The following TSHZ3 variants were observed in gnomAD, a reference collection of about 807,000 sequenced individuals.
TSHZ3 encodes teashirt homolog 3.
TSHZ3 carries 10 observed loss-of-function variants against 64.5 expected under a neutral mutation model. That is an observed-to-expected ratio of 0.16 (90% CI 0.10 to 0.26). The LOEUF (loss-of-function observed/expected upper bound fraction) is 0.26, where lower values mean the gene tolerates loss of function less well. Among genes scored for constraint, TSHZ3 ranks in the 10% least tolerant of loss-of-function variants. TSHZ3 has a pLI of 1.00. For synonymous variants in TSHZ3, 608 were observed against 593.1 expected (o/e 1.03, Z -0.36); for missense variants, 1,242 against 1,421.7 (o/e 0.87, Z 2.03).
chr19:31,334,738 C>A (rs1917193975), intron 1 of TSHZ3, among the ~76,000 whole-genome samples: 4 of 152,270 alleles, frequency 2.6e-5, no homozygotes, highest in African/African-American at 9.6e-5. Flanking sequence ...GTTTTCTCAC[C>A]ATAACATATG....
chr19:31,266,279 A>G (rs555837089), intron 1 of TSHZ3, among the ~76,000 whole-genome samples: 6 of 152,256 alleles, frequency 3.9e-5, no homozygotes, highest in African/African-American at 1.4e-4. Flanking sequence ...CCTCATCAAC[A>G]TAACAAGACC....
rs1440049269 is a variant in TSHZ3, at chr19:31,279,973, G to A, written c.41-221C>T. ...TTGGAGCAAAAAAAAAAAAAAATCT[G>A]CTCTTCAAACATAATTTGCCACCTT... On this transcript the variant is annotated intron_variant, in intron 1 of 1. Coordinates refer to ENST00000240587, the MANE Select transcript of TSHZ3 (RefSeq NM_020856.4). This position sits in a 1 kb window ranked among gnomAD's most constrained non-coding sequence, Gnocchi z 6.4. Among the ~76,000 whole-genome samples, 1 of 149,352 alleles carries A rather than the reference G, an allele frequency of 6.7e-6. No individual in the cohort carries two copies. The highest frequency in any genetic ancestry group is 2.5e-5 in the African/African-American group (1 of 40,648).
intron 1 of TSHZ3, among the ~76,000 whole-genome samples, chr19:31,314,750 C>G (rs752916019): frequency 6.6e-6 from 1 of 152,140 alleles, no homozygotes; most frequent in Non-Finnish European, 1.5e-5. Flanking sequence ...CTGTAATCAC[C>G]GTCATTCTCA....
At chr19:31,232,932 G>C (rs982374670) in intron 3 of TSHZ3, among the ~76,000 whole-genome samples, 1 of 152,170 alleles carries the variant, frequency 6.6e-6, no homozygotes, top group Non-Finnish European at 1.5e-5. Context: ...GTATTCCGTG[G>C]TCTAAATGTA....
intron 1 of TSHZ3, among the ~76,000 whole-genome samples, chr19:31,335,827 C>T (rs906520251): frequency 1.3e-4 from 20 of 152,174 alleles, no homozygotes; most frequent in African/African-American, 3.6e-4. Context: ...GTGTCACCCC[C>T]GTGGGCTCCA....
At chr19:31,231,477 T>C (rs1479148779) in intron 3 of TSHZ3, among the ~76,000 whole-genome samples, 2 of 152,340 alleles carry the variant, frequency 1.3e-5, no homozygotes, top group East Asian at 1.9e-4. Context: ...GACTCCACTG[T>C]GAAAGATTTG....
chr19:31,157,708 T>C (rs985888753), intron 5 of TSHZ3, among the ~76,000 whole-genome samples: 5 of 152,244 alleles, frequency 3.3e-5, no homozygotes, highest in Non-Finnish European at 5.9e-5. Context: ...GTCAACCTAT[T>C]TCATGATTCT....
At chr19:31,231,367 G>A (rs1173643470) in intron 3 of TSHZ3, among the ~76,000 whole-genome samples, 2 of 152,028 alleles carry the variant, frequency 1.3e-5, no homozygotes, top group Non-Finnish European at 1.5e-5. Flanking sequence ...CATTGATTAG[G>A]TGCTTACAGG....
chr19:31,224,509 T>C (rs550373154), intron 4 of TSHZ3, among the ~76,000 whole-genome samples: 13 of 152,376 alleles, frequency 8.5e-5, no homozygotes, highest in South Asian at 6.2e-4. Context: ...ACTCCAATGA[T>C]GTCTCCATAC....
intron 1 of TSHZ3, among the ~76,000 whole-genome samples, chr19:31,311,458 G>A (rs1014913634): frequency 4.6e-5 from 7 of 152,116 alleles, no homozygotes; most frequent in Non-Finnish European, 7.3e-5. Flanking sequence ...GGTGAGTCTC[G>A]CCTGTGGCCT....
chr19:31,163,967 C>T (rs1220471752), intron 5 of TSHZ3, among the ~76,000 whole-genome samples: 2 of 152,196 alleles, frequency 1.3e-5, no homozygotes. Context: ...TTATCATCCC[C>T]ATGTTACACT....
chr19:31,310,230 C>A (rs1445504508), intron 1 of TSHZ3, among the ~76,000 whole-genome samples: 1 of 152,150 alleles, frequency 6.6e-6, no homozygotes, highest in East Asian at 1.9e-4. Flanking sequence ...TAATGAGCCT[C>A]TTTCCTCCAA....
Position 31,198,787 on chromosome 19 carries a change from CTAAA to C in TSHZ3, n.809+6165_809+6168del, listed in dbSNP as rs1215312799. 2.6e-5 allele frequency among the ~76,000 whole-genome samples: 4 copies of C among 152,158 alleles called. No homozygotes were observed. In the East Asian group the frequency reaches 7.7e-4, roughly 29 times the overall value. On this transcript the variant is annotated intron_variant and non_coding_transcript_variant, in intron 5 of 6. Transcript: ENST00000651361. Reference sequence around the variant, plus strand: ...TATGTTAAACTAAATCAAGGAAGGACTAAATAAAGAGGTATTCATATTCATGGAT... The same window carrying C: ...TATGTTAAACTAAATCAAGGAAGGACTAAAGAGGTATTCATATTCATGGAT...
intron 5 of TSHZ3, among the ~76,000 whole-genome samples, chr19:31,179,658 G>A (rs904216441): frequency 1.3e-5 from 2 of 150,742 alleles, no homozygotes; most frequent in East Asian, 3.9e-4. Context: ...TGTGATGGTG[G>A]CAATGATGAT....
intron 1 of TSHZ3, among the ~76,000 whole-genome samples, chr19:31,325,287 G>T (rs1320270816): frequency 6.6e-6 from 1 of 152,158 alleles, no homozygotes; most frequent in Non-Finnish European, 1.5e-5. Flanking sequence ...AACTTAGGCT[G>T]GTCTCAGTTT....
At chr19:31,235,226 C>T (rs1416825372) in intron 3 of TSHZ3, among the ~76,000 whole-genome samples, 2 of 152,134 alleles carry the variant, frequency 1.3e-5, no homozygotes, top group African/African-American at 2.4e-5. Flanking sequence ...ATTCTCTTAG[C>T]AAATTTCAAG....
intron 6 of TSHZ3, among the ~76,000 whole-genome samples, chr19:31,153,155 G>A (rs571131529): frequency 6.6e-6 from 1 of 152,230 alleles, no homozygotes; most frequent in East Asian, 1.9e-4. Flanking sequence ...TACTACGGTT[G>A]GGTGTTGCAT....
In TSHZ3 at chr19:31,334,162, C is replaced by T. The variant is rs193101864; in HGVS notation, c.40+15018G>A. Among the ~76,000 whole-genome samples the T allele has an allele frequency of 3.9e-3, 593 of 152,296 alleles. 4 individuals are homozygous for T. The highest frequency in any genetic ancestry group is 0.014 in the African/African-American group (581 of 41,554). ...ACCATCTCGGTAGGAACCTCCGTCA[C>T]TGTCACGTAGGGGAGGGTCCACTCT... On this transcript the variant is annotated intron_variant, in intron 1 of 1. Transcript: ENST00000240587.
chr19:31,190,153 C>A (rs1465256784), intron 5 of TSHZ3, among the ~76,000 whole-genome samples: 1 of 152,134 alleles, frequency 6.6e-6, no homozygotes, highest in East Asian at 1.9e-4. Context: ...TTTGGGAAAG[C>A]TTAAATGGCT....
Sources: gnomAD v4.1 joint callset for allele counts (sites outside exome capture counted in the v4.1 genomes callset) on GRCh38, gnomAD v4.1.1 for gene constraint, Gnocchi (gnomAD v3.1) non-coding constraint, MANE v1.5 for transcripts, NCBI Gene and HGNC (gene_info 2026-07-23, HGNC 2026-07-21) for gene names.